The following NBN variants were observed in gnomAD, a reference collection of about 807,000 sequenced individuals.
NBN encodes Nijmegen breakage syndrome 1 (nibrin).
Under a neutral mutation model 90.8 loss-of-function variants are expected in NBN, and 88 were observed. The observed-to-expected ratio is 0.97, with a 90% confidence interval of 0.82 to 1.16. The LOEUF (loss-of-function observed/expected upper bound fraction) is 1.16, where lower values mean the gene tolerates loss of function less well. Ranked by LOEUF, NBN falls within the 50% of genes most tolerant of loss-of-function variation. The pLI is 0.00. For synonymous variants in NBN, 328 were observed against 295.1 expected (o/e 1.11, Z -1.14); for missense variants, 894 against 869.6 (o/e 1.03, Z -0.35).
chr8:89,942,692 CG>C (rs1563506872), intron 14 of NBN, among the ~76,000 whole-genome samples: 4 of 151,990 alleles, frequency 2.6e-5, no homozygotes, highest in African/African-American at 9.7e-5. Context: ...AGTAGTAAAT[CG>C]GAAGATGATC....
chr8:89,940,073 A>G (rs1809868949), intron 14 of NBN, among the ~76,000 whole-genome samples: 1 of 151,866 alleles, frequency 6.6e-6, no homozygotes, highest in African/African-American at 2.4e-5. Flanking sequence ...TCTGTTCTTT[A>G]ATTTTTATTT....
intron 9 of NBN, among the ~76,000 whole-genome samples, chr8:89,956,072 G>C (rs1482968669): frequency 1.3e-5 from 2 of 151,344 alleles, no homozygotes; most frequent in Non-Finnish European, 2.9e-5. Context: ...CTCGAGAATA[G>C]AACAGAACTT....
intron 7 of NBN, among the ~76,000 whole-genome samples, chr8:89,965,954 C>A (rs985585097): frequency 6.6e-6 from 1 of 152,134 alleles, no homozygotes; most frequent in South Asian, 2.1e-4. Context: ...ATCACATATA[C>A]CTACCTGTAA....
In NBN at chr8:89,982,867, T is replaced by C. The variant is rs773524364; in HGVS notation, c.38-12A>G. On this transcript the variant is annotated splice_polypyrimidine_tract_variant and intron_variant, in intron 1 of 15. Transcript: ENST00000265433. ...TCTGTATGGTTCTCCTGAGATAAAT[T>C]TTTTTTTAAAAAAAGATAAGTTGAT... The C allele has an allele frequency of 6.2e-7, 1 of 1,612,096 alleles. No individual in the cohort carries two copies. Among genetic ancestry groups the C allele is most frequent in the Non-Finnish European group, 8.5e-7 (1 of 1,178,718 alleles).
intron 6 of NBN, 44 bp downstream of exon 6, chr8:89,971,129 T>C (rs765541929): frequency 1.3e-6 from 2 of 1,563,038 alleles, no homozygotes; most frequent in South Asian, 2.2e-5. Flanking sequence ...GTATCCTAGT[T>C]TGTAATGTAT....
At chr8:89,950,292 A>G (rs1215776867) in intron 11 of NBN, among the ~76,000 whole-genome samples, 1 of 152,212 alleles carries the variant, frequency 6.6e-6, no homozygotes, top group African/African-American at 2.4e-5. Context: ...AAAAAAGCAT[A>G]AATTTTGCAT....
chr8:89,943,629 T>C (rs1264174194), intron 13 of NBN, among the ~76,000 whole-genome samples: 2 of 152,216 alleles, frequency 1.3e-5, no homozygotes, highest in Non-Finnish European at 2.9e-5. Context: ...TTGGAGTTTT[T>C]ATTTTAAAAT....
intron 11 of NBN, among the ~76,000 whole-genome samples, chr8:89,948,339 CGTGT>C (rs13312934): frequency 6.6e-6 from 1 of 152,072 alleles, no homozygotes; most frequent in African/African-American, 2.4e-5. Flanking sequence ...TCTGTACGAT[CGTGT>C]ATTACTTTTA....
intron 14 of NBN, among the ~76,000 whole-genome samples, chr8:89,940,267 T>G (rs574308548): frequency 1.8e-4 from 27 of 152,136 alleles, no homozygotes; most frequent in African/African-American, 5.3e-4. Context: ...TGTTGTGTTT[T>G]TTTGTTTGTT....
chr8:89,971,691 T>C (rs1811524400), intron 5 of NBN, among the ~76,000 whole-genome samples: 2 of 152,224 alleles, frequency 1.3e-5, no homozygotes, highest in Non-Finnish European at 2.9e-5. Flanking sequence ...AAAACGCTCA[T>C]GTTTCAATTC....
intron 15 of NBN, among the ~76,000 whole-genome samples, chr8:89,935,865 A>G (rs1295363656): frequency 6.6e-6 from 1 of 152,202 alleles, no homozygotes; most frequent in Non-Finnish European, 1.5e-5. Context: ...AAAATAATTA[A>G]TGAAAACAGT....
chr8:89,937,907 A>G (rs1385025803), intron 14 of NBN, among the ~76,000 whole-genome samples: 2 of 152,114 alleles, frequency 1.3e-5, no homozygotes, highest in South Asian at 2.1e-4. Context: ...TTTTGTTCAT[A>G]TTTCTCCCTC....
At chr8:89,976,758 C>CT (rs1238281250) in intron 5 of NBN, among the ~76,000 whole-genome samples, 1 of 152,116 alleles carries the variant, frequency 6.6e-6, no homozygotes, top group Non-Finnish European at 1.5e-5. Flanking sequence ...CTGGCACATA[C>CT]TGAGGGGTCT....
Position 89,946,278 on chromosome 8 carries a change from C to T in NBN, c.1932G>A (p.Gln644=), listed in dbSNP as rs754783870. 5 of 1,583,098 alleles carry T rather than the reference C, an allele frequency of 3.2e-6. No homozygotes were observed. The highest frequency in any genetic ancestry group is 2.2e-5 in the South Asian group (2 of 90,308). ...AKEISNNDKL[Q]DDSEMLPKKL... is the part of the protein sequence containing the mutation. ...TTTTTGGAAGCATCTCACTATCATC[C>T]TGAAGTTTGTCATTGTTCTTAAATG... The change falls in exon 13 of 16, where the codon CAG becomes CAA. Residue 644 remains glutamine, a synonymous_variant. Transcript: ENST00000265433.
At chr8:89,982,106 G>A (rs952048301) in intron 2 of NBN, 1 of 354,022 alleles carries the variant, frequency 2.8e-6, no homozygotes, top group South Asian at 2.6e-5. Context: ...TACCACCAGC[G>A]TTATCATGAG....
intron 5 of NBN, among the ~76,000 whole-genome samples, chr8:89,973,446 T>C (rs1241843361): frequency 6.6e-6 from 1 of 152,224 alleles, no homozygotes; most frequent in East Asian, 1.9e-4. Context: ...TACAAAACTG[T>C]ATTATCTAGA....
intron 5 of NBN, among the ~76,000 whole-genome samples, chr8:89,975,641 G>A (rs920263349): frequency 1.3e-5 from 2 of 152,124 alleles, no homozygotes; most frequent in African/African-American, 2.4e-5. Flanking sequence ...TTGTATAGTC[G>A]TCATGTACAT....
chr8:89,979,996 T>C (rs1811981539), intron 4 of NBN, among the ~76,000 whole-genome samples: 1 of 152,244 alleles, frequency 6.6e-6, no homozygotes, highest in African/African-American at 2.4e-5. Context: ...AATGGACACT[T>C]TGATTTGTAA....
intron 14 of NBN, among the ~76,000 whole-genome samples, chr8:89,939,463 G>C (rs1809837536): frequency 6.6e-6 from 1 of 151,736 alleles, no homozygotes; most frequent in Admixed American, 6.6e-5. Flanking sequence ...AAAAAAGTCA[G>C]CAGCTGTATG....
Sources: gnomAD v4.1 joint callset for allele counts (sites outside exome capture counted in the v4.1 genomes callset) on GRCh38, gnomAD v4.1.1 for gene constraint, MANE v1.5 for transcripts, NCBI Gene and HGNC (gene_info 2026-07-23, HGNC 2026-07-21) for gene names.